NUP107: variants seen among roughly 807,000 people sequenced by gnomAD.
NUP107 encodes the protein nucleoporin 107, also known as nuclear pore complex protein Nup107.
In NUP107, 101 loss-of-function variants were observed where a neutral mutation model predicts 141.0. The ratio of observed to expected loss-of-function variants is 0.72; its 90% CI spans 0.61 to 0.84. The LOEUF (loss-of-function observed/expected upper bound fraction) is 0.84. Ranked by LOEUF, NUP107 falls within the 40% of genes least tolerant of loss-of-function variation. The pLI is 0.00. For synonymous variants in NUP107, 319 were observed against 363.9 expected (o/e 0.88, Z 1.41); for missense variants, 941 against 1,102.7 (o/e 0.85, Z 2.08).
chr12:68,737,812 C>T (rs1354515745), intron 26 of NUP107, among the ~76,000 whole-genome samples: 1 of 152,086 alleles, frequency 6.6e-6, no homozygotes, highest in Non-Finnish European at 1.5e-5. Context: ...GTTCAAGGCC[C>T]CTGCTAACAC....
intron 11 of NUP107, among the ~76,000 whole-genome samples, chr12:68,714,939 T>A (rs1269912153): frequency 6.6e-6 from 1 of 152,240 alleles, no homozygotes; most frequent in Non-Finnish European, 1.5e-5. Flanking sequence ...AGAAGGTTTT[T>A]GCTTTGTGTT....
chr12:68,705,881 A>G (rs1181413617), intron 8 of NUP107: 31 of 837,642 alleles, frequency 3.7e-5, no homozygotes, highest in Non-Finnish European at 5.1e-5. Context: ...GTGGACCCCA[A>G]CATCCAAGCT....
chr12:68,691,805 G>A (rs575516231), intron 4 of NUP107, among the ~76,000 whole-genome samples, 163 bp from the exon 5 acceptor site: 16 of 149,822 alleles, frequency 1.1e-4, no homozygotes, highest in African/African-American at 3.9e-4. Context: ...CTGAACTCCA[G>A]CCTGGGCAAC....
rs1878353175 is a variant in NUP107 at position 68,742,326 on chromosome 12, T to A, written c.2671-29T>A. The A allele has an allele frequency of 2.1e-6, 3 of 1,398,662 alleles. No individual in the cohort carries two copies. In the East Asian group the frequency reaches 6.9e-5, roughly 32 times the overall value. The allele number at this position is 1,398,662 out of a possible 1,614,324, so 86.6% of individuals were successfully genotyped here. On this transcript the variant is annotated intron_variant, in intron 27 of 27. Coordinates refer to ENST00000229179, the MANE Select transcript of NUP107 (RefSeq NM_020401.4). Reference sequence around the variant, plus strand: ...CATACTTGTCTACTTGTCTTTGTTCTCATTCTTATTTCTCTTTTTAAAAAT... The same window carrying A: ...CATACTTGTCTACTTGTCTTTGTTCACATTCTTATTTCTCTTTTTAAAAAT...
At chr12:68,691,041 G>T (rs1209269733) in intron 4 of NUP107, among the ~76,000 whole-genome samples, 1 of 140,352 alleles carries the variant, frequency 7.1e-6, no homozygotes. Context: ...GATTGCAAAA[G>T]AAAAAAAAAA....
intron 15 of NUP107, 142 bp from the exon 16 acceptor site, chr12:68,721,699 A>T: frequency 1.3e-6 from 1 of 760,364 alleles, no homozygotes; most frequent in Non-Finnish European, 2.1e-6. Flanking sequence ...AGGAAAGGTT[A>T]TTTGGCATAA....
Position 68,735,325 on chromosome 12 carries a change from G to A in NUP107, c.2483G>A (p.Trp828Ter), listed in dbSNP as rs1372683796. Residue 828 changes from tryptophan (W) to a stop codon, truncating the protein, a stop_gained, in exon 26 of 28, where the codon TGG becomes TAG. Coordinates refer to ENST00000229179, the MANE Select transcript of NUP107 (RefSeq NM_020401.4). LOFTEE classifies it high-confidence loss of function. The stretch of plus-strand genomic sequence containing the variant: ...GTCTTGTTGTTTGTTGATGGAGGGT[G>A]GATGGTGGATGTTAGAGAGGTAAGC... ...YNVLLFVDGG[W>*]MVDVREDAKE... 1.2e-6 allele frequency: 2 copies of A among 1,613,284 alleles called. No individual in the cohort carries two copies. Among genetic ancestry groups the A allele is most frequent in the Non-Finnish European group, 1.7e-6 (2 of 1,179,460 alleles).
intron 5 of NUP107, 39 bp from the exon 6 acceptor site, chr12:68,696,779 AC>A (rs1330167426): frequency 8.8e-7 from 1 of 1,134,010 alleles, no homozygotes; most frequent in Non-Finnish European, 1.3e-6. Flanking sequence ...ACGTCACTTA[AC>A]TTTTCTTTAT....
intron 5 of NUP107, among the ~76,000 whole-genome samples, chr12:68,692,374 T>A (rs574954351): frequency 8.6e-5 from 13 of 150,320 alleles, no homozygotes; most frequent in Non-Finnish European, 1.9e-4. Flanking sequence ...AGGTCAGGAG[T>A]TCAAGACCAG....
At chr12:68,700,877 G>A in intron 7 of NUP107, 24 bp downstream of exon 7, 1 of 1,547,304 alleles carries the variant, frequency 6.5e-7, no homozygotes, top group African/African-American at 1.4e-5. Flanking sequence ...GAATTCATAA[G>A]TGAAATAAAC....
At chr12:68,702,212 C>T (rs1876363932) in intron 7 of NUP107, among the ~76,000 whole-genome samples, 1 of 152,188 alleles carries the variant, frequency 6.6e-6, no homozygotes, top group African/African-American at 2.4e-5. Flanking sequence ...TGGTCTCAAA[C>T]TCCTGACCTC....
At chr12:68,709,925 A>T in intron 9 of NUP107, 80 bp from the exon 10 acceptor site, 1 of 786,360 alleles carries the variant, frequency 1.3e-6, no homozygotes, top group Non-Finnish European at 2.1e-6. Flanking sequence ...TGTTTGAATT[A>T]AGGGTAGTAG....
At position 68,707,698 on chromosome 12, in the gene NUP107, T is replaced by G. The variant is rs147668203; in HGVS notation, c.730-1540T>G. Among the ~76,000 whole-genome samples, 881 of 152,362 alleles carry G rather than the reference T, an allele frequency of 5.8e-3. 7 individuals are homozygous for G. Among genetic ancestry groups the G allele is most frequent in the Middle Eastern group, 0.02 (6 of 294 alleles). On this transcript the variant is annotated intron_variant, in intron 8 of 27. Transcript: ENST00000229179. ...AACAACTATTTACATATGTAGCATT[T>G]ACATTATATTAGATATTATACATAA...
At position 68,724,327 on chromosome 12, in the gene NUP107, C is replaced by T. The variant is rs1344979407; in HGVS notation, c.1507-1400C>T. 2.6e-5 allele frequency among the ~76,000 whole-genome samples: 4 copies of T among 151,996 alleles called. No homozygotes were observed. The East Asian group carries it at 5.8e-4, about 22-fold the overall frequency. The stretch of plus-strand genomic sequence containing the variant: ...TCTTACTGAAGGACATAAAATAAGA[C>T]ATAAATAAATAGATATATCATGTTC... On this transcript the variant is annotated intron_variant, in intron 17 of 27. Transcript: ENST00000229179.
chr12:68,689,820 G>T lies in NUP107; in HGVS notation c.187+201G>T, dbSNP rs148284810. 358 of 482,170 alleles carry T rather than the reference G, an allele frequency of 7.4e-4. 1 individual carries two copies. The highest frequency in any genetic ancestry group is 6.8e-3 in the African/African-American group (335 of 49,620). 29.9% of individuals were successfully genotyped at this position (482,170 alleles called of 1,614,324 possible). ...TAAACACACGGTAACTATGACATGG[G>T]TATTGTTGGCCCTGTTTTACCAAAA... On this transcript the variant is annotated intron_variant, in intron 3 of 27. Coordinates refer to ENST00000229179, the MANE Select transcript of NUP107 (RefSeq NM_020401.4).
At chr12:68,691,803 C>CA (rs1875799201) in intron 4 of NUP107, among the ~76,000 whole-genome samples, 165 bp from the exon 5 acceptor site, 1 of 150,266 alleles carries the variant, frequency 6.7e-6, no homozygotes, top group Non-Finnish European at 1.5e-5. Context: ...CACTGAACTC[C>CA]AGCCTGGGCA....
chr12:68,738,560 T>C (rs1241431996), intron 26 of NUP107, among the ~76,000 whole-genome samples: 1 of 152,210 alleles, frequency 6.6e-6, no homozygotes, highest in Non-Finnish European at 1.5e-5. Flanking sequence ...CCCCACTTAC[T>C]TGCTTGGCCA....
chr12:68,733,186 A>G (rs1877914064), intron 23 of NUP107, among the ~76,000 whole-genome samples: 2 of 152,204 alleles, frequency 1.3e-5, no homozygotes, highest in African/African-American at 2.4e-5. Flanking sequence ...TCTCAAGGCT[A>G]TCCGACTTTG....
At chr12:68,695,135 ATG>A (rs1875989370) in intron 5 of NUP107, among the ~76,000 whole-genome samples, 1 of 152,230 alleles carries the variant, frequency 6.6e-6, no homozygotes, top group Non-Finnish European at 1.5e-5. Context: ...ATTGACAACA[ATG>A]TGGAGAAATT....
Sources: gnomAD v4.1 joint callset for allele counts (sites outside exome capture counted in the v4.1 genomes callset) on GRCh38, gnomAD v4.1.1 for gene constraint, MANE v1.5 for transcripts, NCBI Gene and HGNC (gene_info 2026-07-23, HGNC 2026-07-21) for gene names.